DERL2: variants seen among roughly 807,000 people sequenced by gnomAD.
DERL2 encodes the protein derlin-2.
A neutral mutation model predicts 32.0 loss-of-function variants in DERL2; 13 were observed. The ratio of observed to expected loss-of-function variants is 0.41; its 90% CI spans 0.26 to 0.65. DERL2 has a LOEUF of 0.65. Among genes scored for constraint, DERL2 ranks in the 30% least tolerant of loss-of-function variants. DERL2 has a pLI of 0.35. For synonymous variants in DERL2, 111 were observed against 104.7 expected (o/e 1.06, Z -0.37); for missense variants, 208 against 296.3 (o/e 0.70, Z 2.19).
intron 1 of DERL2, chr17:5,485,800 G>C: frequency 2.6e-6 from 1 of 378,266 alleles, no homozygotes; most frequent in Non-Finnish European, 4.7e-6. Flanking sequence ...CACATTTCTT[G>C]GGTGGGAGGC....
At chr17:5,483,078 C>G (rs1905898998) in intron 2 of DERL2, among the ~76,000 whole-genome samples, 196 bp from the exon 3 acceptor site, 1 of 151,950 alleles carries the variant, frequency 6.6e-6, no homozygotes, top group South Asian at 2.1e-4. Context: ...AGTTCAAAGT[C>G]TGAAAGACAT....
chr17:5,480,906 A>C (rs954848977), intron 4 of DERL2: 1 of 483,082 alleles, frequency 2.1e-6, no homozygotes, highest in Admixed American at 3.8e-5. Flanking sequence ...TACAGAGATG[A>C]ATAAAGCTAG....
chr17:5,475,155 TGAC>T (rs1303666235), intron 6 of DERL2, among the ~76,000 whole-genome samples: 1 of 152,244 alleles, frequency 6.6e-6, no homozygotes, highest in Non-Finnish European at 1.5e-5. Context: ...TTTTGTAACC[TGAC>T]TTTCACATAT....
At chr17:5,482,618 C>T in intron 3 of DERL2, 191 bp downstream of exon 3, 2 of 462,580 alleles carry the variant, frequency 4.3e-6, no homozygotes, top group Non-Finnish European at 7.9e-6. Flanking sequence ...TGGTTAAAAC[C>T]TCCCATTTGA....
rs768856086 is a variant in DERL2, at chr17:5,472,704, T to C, written c.*1980A>G. 20 of 152,238 alleles carry C rather than the reference T, an allele frequency of 1.3e-4. No homozygotes were observed. The highest frequency in any genetic ancestry group is 3.9e-4 in the African/African-American group (16 of 41,534). 9.4% of individuals were successfully genotyped at this position (152,238 alleles called of 1,614,324 possible). Reference sequence around the variant, plus strand: ...TTAGTATTTTACCACAAAAATGCCATTCATTGCATAACTCCAACTCAGGGA... The same window carrying C: ...TTAGTATTTTACCACAAAAATGCCACTCATTGCATAACTCCAACTCAGGGA... On this transcript the variant is annotated 3_prime_UTR_variant, in exon 7 of 7. Coordinates refer to ENST00000158771, the MANE Select transcript of DERL2 (RefSeq NM_016041.5).
chr17:5,484,715 C>T (rs1387069257), intron 2 of DERL2, among the ~76,000 whole-genome samples: 2 of 152,186 alleles, frequency 1.3e-5, no homozygotes, highest in Non-Finnish European at 2.9e-5. Context: ...GGTGATAACA[C>T]CAAGGTGGTG....
intron 1 of DERL2, among the ~76,000 whole-genome samples, chr17:5,485,445 T>C (rs959934245): frequency 1.1e-4 from 16 of 152,182 alleles, no homozygotes; most frequent in Non-Finnish European, 2.1e-4. Context: ...TATGTTGCAA[T>C]AGTTGAGGCT....
At position 5,474,476 on chromosome 17, in the gene DERL2, C is replaced by T. The variant is rs1193429185; in HGVS notation, c.*208G>A. Reference sequence around the variant, plus strand: ...CCAGTTTTTTGGCTCTAAGAAATTACACTTTCAGTACCAGTGTAGTGAGGA... The same window carrying T: ...CCAGTTTTTTGGCTCTAAGAAATTATACTTTCAGTACCAGTGTAGTGAGGA... On this transcript the variant is annotated 3_prime_UTR_variant, in exon 7 of 7. Transcript: ENST00000158771. The surrounding 1 kb of genome is among the most constrained non-coding windows in gnomAD (Gnocchi z 4.3). The T allele has an allele frequency of 2.2e-6, 1 of 446,658 alleles. No individual in the cohort carries two copies. Among genetic ancestry groups the T allele is most frequent in the Non-Finnish European group, 3.9e-6 (1 of 253,452 alleles). The allele number at this position is 446,658 out of a possible 1,614,324, so 27.7% of individuals were successfully genotyped here.
chr17:5,476,799 CAAA>C (rs1423710694), intron 6 of DERL2, among the ~76,000 whole-genome samples: 1 of 152,056 alleles, frequency 6.6e-6, no homozygotes, highest in Non-Finnish European at 1.5e-5. Flanking sequence ...GCAACGACAA[CAAA>C]AACAAAACTG....
At position 5,484,382 on chromosome 17, in the gene DERL2, G is replaced by A. The variant is rs986631050; in HGVS notation, c.159+769C>T. ...CTGCCTCAGCCTCGCCAGTAGCTAG[G>A]ATTACAGGCATGTGCCATCACGCCT... On this transcript the variant is annotated intron_variant, in intron 2 of 6. Coordinates refer to ENST00000158771, the MANE Select transcript of DERL2 (RefSeq NM_016041.5). 1.2e-4 allele frequency among the ~76,000 whole-genome samples: 19 copies of A among 152,368 alleles called. No individual in the cohort carries two copies. The South Asian group carries it at 3.1e-3, about 25-fold the overall frequency.
Position 5,473,845 on chromosome 17 carries a change from A to C in DERL2, c.*839T>G, listed in dbSNP as rs1273780344. ...AAAAATAAAAGAAAAAAAAAGTCTA[A>C]TGAAAATCTTCCTAGTTTTACAAAA... On this transcript the variant is annotated 3_prime_UTR_variant, in exon 7 of 7. Transcript: ENST00000158771. 1 of 152,134 alleles carries C rather than the reference A, an allele frequency of 6.6e-6. No individual in the cohort carries two copies. Among genetic ancestry groups the C allele is most frequent in the Middle Eastern group, 3.2e-3 (1 of 316 alleles). The allele number at this position is 152,134 out of a possible 1,614,324, so 9.4% of individuals were successfully genotyped here.
upstream of DERL2, chr17:5,486,179 G>GCCCCCCCCCCCCCCCCCCCCCCCTCCCC: frequency 1.3e-6 from 2 of 1,540,444 alleles, no homozygotes; most frequent in South Asian, 1.2e-5. Flanking sequence ...ACCGTCGCCT[G>GCCCCCCCCCCCCCCCCCCCCCCCTCCCC]CCCCACCCCC....
At chr17:5,484,850 G>A (rs1489326119) in intron 2 of DERL2, among the ~76,000 whole-genome samples, 1 of 152,122 alleles carries the variant, frequency 6.6e-6, no homozygotes, top group Non-Finnish European at 1.5e-5. Context: ...CCAAATACAG[G>A]AACTGGACAC....
chr17:5,482,646 C>T, intron 3 of DERL2, 163 bp downstream of exon 3: 1 of 524,878 alleles, frequency 1.9e-6, no homozygotes, highest in South Asian at 2.1e-5. Flanking sequence ...GACCTACAGA[C>T]ATTTTCAAAA....
rs80153139 is a variant in DERL2 at position 5,481,138 on chromosome 17, G to A, written c.327+158C>T. 4,858 of 684,216 alleles carry A rather than the reference G, an allele frequency of 7.1e-3. 280 individuals are homozygous for A. In the East Asian group the frequency reaches 0.11, roughly 16 times the overall value. The allele number at this position is 684,216 out of a possible 1,614,324, so 42.4% of individuals were successfully genotyped here. On this transcript the variant is annotated intron_variant, in intron 4 of 6. Transcript: ENST00000158771. The surrounding 1 kb of genome is among the most constrained non-coding windows in gnomAD (Gnocchi z 4.4). ...TTCCTTTGACTTGCTCATCCTGTCC[G>A]ACTGCTAGGTTTGGAAACTTGTCAC...
In DERL2 at chr17:5,486,173, T is replaced by C. The variant is rs1214744846; in HGVS notation, c.-12A>G. ...CTCTGGTACGCCATCTTCCCCACCGTCGCCTGCCCCACCCCCCACCCACCC... is the reference window on the plus strand; with the variant it reads ...CTCTGGTACGCCATCTTCCCCACCGCCGCCTGCCCCACCCCCCACCCACCC... On this transcript the variant is annotated 5_prime_UTR_variant, in exon 1 of 7. Coordinates refer to ENST00000158771, the MANE Select transcript of DERL2 (RefSeq NM_016041.5). 1.9e-6 allele frequency: 3 copies of C among 1,575,772 alleles called. No homozygotes were observed. The highest frequency in any genetic ancestry group is 1.7e-6 in the Non-Finnish European group (2 of 1,161,060).
At chr17:5,485,458 C>T (rs1906138547) in intron 1 of DERL2, among the ~76,000 whole-genome samples, 1 of 152,272 alleles carries the variant, frequency 6.6e-6, no homozygotes, top group Admixed American at 6.5e-5. Context: ...TTGAGGCTGA[C>T]ATGAAGAAAT....
Position 5,486,111 on chromosome 17 carries a change from G to A in DERL2, c.51C>T (p.Ser17=). 3 of 1,611,714 alleles carry A rather than the reference G, an allele frequency of 1.9e-6. No individual in the cohort carries two copies. Among genetic ancestry groups the A allele is most frequent in the Non-Finnish European group, 2.5e-6 (3 of 1,179,258 alleles). ...GGACGCAGGCAGTGGTGTAGGCGCG[G>A]CTGACCGGTGGGATCTGCAGGTACT... ...RLEYLQIPPV[S]RAYTTACVLT... is the part of the protein sequence containing the mutation. The change falls in exon 1 of 7, where the codon AGC becomes AGT. Residue 17 remains serine, a synonymous_variant. Coordinates refer to ENST00000158771, the MANE Select transcript of DERL2 (RefSeq NM_016041.5).
chr17:5,478,305 CTTGAG>C (rs1035034655), intron 6 of DERL2, among the ~76,000 whole-genome samples: 17 of 152,208 alleles, frequency 1.1e-4, no homozygotes, highest in Admixed American at 3.3e-4. Flanking sequence ...AGCCCAGGGG[CTTGAG>C]TTAACAGTGT....
Sources: allele counts gnomAD v4.1 joint callset (sites outside exome capture counted in the v4.1 genomes callset), GRCh38; gene constraint gnomAD v4.1.1; non-coding constraint Gnocchi (gnomAD v3.1); transcripts MANE v1.5; gene names NCBI Gene and HGNC (gene_info 2026-07-23, HGNC 2026-07-21).